VDAC3: variants seen among roughly 807,000 people sequenced by gnomAD.
VDAC3 encodes the protein non-selective voltage-gated ion channel VDAC3.
VDAC3 carries 7 observed loss-of-function variants against 33.9 expected under a neutral mutation model. The ratio of observed to expected loss-of-function variants is 0.21; its 90% CI spans 0.12 to 0.39. The LOEUF (loss-of-function observed/expected upper bound fraction) is 0.39. VDAC3 is among the 10% of genes least tolerant of loss of function. The probability of loss-of-function intolerance (pLI) is 1.00; values close to 1 mark genes in which losing one functional copy is unlikely to be tolerated. For missense variants in VDAC3, 261 were observed against 334.5 expected, an observed-to-expected ratio of 0.78 and a Z score of 1.71; for synonymous variants, 100 against 122.4, an observed-to-expected ratio of 0.82 and a Z score of 1.21.
At chr8:42,397,929 T>C (rs1273420430) in intron 4 of VDAC3, among the ~76,000 whole-genome samples, 1 of 151,438 alleles carries the variant, frequency 6.6e-6, no homozygotes, top group Admixed American at 6.5e-5. Context: ...TGGTAAAATG[T>C]ATGTTACATG....
At chr8:42,398,912 G>T (rs1305911463) in intron 5 of VDAC3, 48 bp downstream of exon 5, 6 of 1,593,784 alleles carry the variant, frequency 3.8e-6, no homozygotes, top group Non-Finnish European at 5.1e-6. Context: ...TTATCTTGTA[G>T]ATTGAATGAT....
At chr8:42,399,558 G>T in intron 5 of VDAC3, 93 bp from the exon 6 acceptor site, 3 of 1,198,950 alleles carry the variant, frequency 2.5e-6, no homozygotes, top group South Asian at 2.9e-5. Context: ...CCTTTTTTTT[G>T]TTAAAGAACT....
chr8:42,395,220 C>G, intron 4 of VDAC3, 87 bp downstream of exon 4: 2 of 1,563,716 alleles, frequency 1.3e-6, no homozygotes, highest in South Asian at 1.1e-5. Context: ...TTACTTGAAC[C>G]AGCACCATGC....
chr8:42,402,314 C>T (rs1479588425), intron 7 of VDAC3: 3 of 440,156 alleles, frequency 6.8e-6, no homozygotes, highest in Admixed American at 7.6e-5. Context: ...GGTAAGATGA[C>T]CCTTTGGAGA....
At chr8:42,400,673 CTTTTTTTTT>C (rs1188886241) in intron 6 of VDAC3, among the ~76,000 whole-genome samples, 12 of 72,324 alleles carry the variant, frequency 1.7e-4, no homozygotes, top group African/African-American at 6.7e-4. Context: ...ATATTCTTTT[CTTTTTTTTT>C]TTTTTTTTTT....
intron 1 of VDAC3, among the ~76,000 whole-genome samples, chr8:42,393,625 G>A (rs950163391): frequency 6.6e-6 from 1 of 152,198 alleles, no homozygotes; most frequent in African/African-American, 2.4e-5. Context: ...TAAGCAGGTT[G>A]CTGCAGGTAG....
At chr8:42,400,328 C>CAAA (rs556195091) in intron 6 of VDAC3, among the ~76,000 whole-genome samples, 1 of 110,666 alleles carries the variant, frequency 9.0e-6, no homozygotes, top group Non-Finnish European at 1.9e-5. Flanking sequence ...GACTCTGTCT[C>CAAA]AAAAAAAAAA....
Position 42,403,450 on chromosome 8 carries a change from ACTT to A in VDAC3, c.694_696del (p.Ser232del), listed in dbSNP as rs1802450597. On this transcript the variant is annotated inframe_deletion, in exon 8 of 10. Coordinates refer to ENST00000022615, the MANE Select transcript of VDAC3 (RefSeq NM_005662.7). The stretch of plus-strand genomic sequence containing the variant: ...TGCTAAGTACATGCTGGATTGTAGA[ACTT>A]CTCTCTCTGTAAGAATGTGCTGCCA... The A allele has an allele frequency of 6.3e-7, 1 of 1,580,484 alleles. No homozygotes were observed.
intron 6 of VDAC3, among the ~76,000 whole-genome samples, chr8:42,400,643 T>C (rs1442257974): frequency 6.6e-6 from 1 of 151,768 alleles, no homozygotes; most frequent in East Asian, 1.9e-4. Context: ...TGCCACACAC[T>C]TCAGTTATCT....
Position 42,395,094 on chromosome 8 carries a change from G to A in VDAC3, c.78G>A (p.Met26Ile). ...TGTGTGTGTGTATAGGCTTTGGCAT[G>A]GTCAAGATAGACCTGAAAACCAAGT... ...DVFNKGYGFG[M>I]VKIDLKTKSC... Residue 26 changes from methionine (M) to isoleucine (I), a missense_variant, in exon 4 of 10, where the codon ATG becomes ATA. By Grantham distance (10) the Met-to-Ile change is conservative. Coordinates refer to ENST00000022615, the MANE Select transcript of VDAC3 (RefSeq NM_005662.7). 6.2e-7 allele frequency: 1 copy of A among 1,613,904 alleles called. No homozygotes were observed. The highest frequency in any genetic ancestry group is 8.5e-7 in the Non-Finnish European group (1 of 1,179,950).
intron 4 of VDAC3, among the ~76,000 whole-genome samples, chr8:42,395,756 G>A (rs574455572): frequency 3.9e-5 from 6 of 151,920 alleles, no homozygotes; most frequent in East Asian, 3.9e-4. Context: ...TCAGGAGTTC[G>A]AGACCAGCCT....
intron 4 of VDAC3, chr8:42,397,624 AG>A (rs1343157498): frequency 6.6e-6 from 1 of 152,258 alleles, no homozygotes; most frequent in Non-Finnish European, 1.5e-5. Flanking sequence ...TATGACTTAA[AG>A]GGCACTGAAC....
intron 6 of VDAC3, among the ~76,000 whole-genome samples, chr8:42,399,910 A>G (rs1473145511): frequency 6.6e-6 from 1 of 152,244 alleles, no homozygotes; most frequent in Non-Finnish European, 1.5e-5. Context: ...AACTGAATAG[A>G]TGAGCAAAAA....
chr8:42,396,692 A>AT (rs1411826261), intron 4 of VDAC3: 1 of 690,532 alleles, frequency 1.4e-6, no homozygotes, highest in Non-Finnish European at 2.6e-6. Context: ...TAAGAAAAAA[A>AT]AGCTTATTCG....
At chr8:42,395,239 C>A in intron 4 of VDAC3, 106 bp downstream of exon 4, 1 of 1,507,348 alleles carries the variant, frequency 6.6e-7, no homozygotes. Context: ...GCTGTCTTCC[C>A]CACAGCTTTG....
intron 6 of VDAC3, among the ~76,000 whole-genome samples, chr8:42,400,854 C>T (rs1018829168): frequency 2.0e-5 from 3 of 151,334 alleles, no homozygotes; most frequent in African/African-American, 4.9e-5. Flanking sequence ...TTAGTAGAGA[C>T]GGAGTTTTAC....
At chr8:42,397,869 T>G (rs1802343260) in intron 4 of VDAC3, among the ~76,000 whole-genome samples, 1 of 152,230 alleles carries the variant, frequency 6.6e-6, no homozygotes, top group Admixed American at 6.5e-5. Context: ...TTCACAGCAG[T>G]GTGACTGTAC....
At chr8:42,404,143 T>A (rs1189063556) in intron 8 of VDAC3, among the ~76,000 whole-genome samples, 1 of 152,208 alleles carries the variant, frequency 6.6e-6, no homozygotes, top group Non-Finnish European at 1.5e-5. Flanking sequence ...CCACTCCATG[T>A]GGCGATTAGT....
In VDAC3 at chr8:42,400,905, G is replaced by C. The variant is rs939145414; in HGVS notation, c.324-883G>C. Among the ~76,000 whole-genome samples, 3 of 151,716 alleles carry C rather than the reference G, an allele frequency of 2.0e-5. No homozygotes were observed. In the East Asian group the frequency reaches 5.8e-4, roughly 30 times the overall value. On this transcript the variant is annotated intron_variant, in intron 6 of 9. Coordinates refer to ENST00000022615, the MANE Select transcript of VDAC3 (RefSeq NM_005662.7). ...GGTCTCTGTCTTGACCTCGTGTTCC[G>C]CCTGGCTCGGCCTCCCAAAATGCTG... is the stretch of plus-strand genomic sequence containing the variant.
Sources: gnomAD v4.1 joint callset for allele counts (sites outside exome capture counted in the v4.1 genomes callset) on GRCh38, gnomAD v4.1.1 for gene constraint, MANE v1.5 for transcripts, NCBI Gene and HGNC (gene_info 2026-07-23, HGNC 2026-07-21) for gene names.